Variants in SLC39A10 observed in about 807,000 individuals in gnomAD.
The protein encoded by SLC39A10 is solute carrier family 39 member 10.
Under a neutral mutation model 65.1 loss-of-function variants are expected in SLC39A10, and 13 were observed. The observed-to-expected ratio is 0.20, with a 90% CI of 0.13 to 0.32. SLC39A10 has a LOEUF of 0.32. Ranked by LOEUF, SLC39A10 falls within the 10% of genes least tolerant of loss-of-function variation. SLC39A10 has a pLI of 1.00. For missense variants in SLC39A10, 831 were observed against 1,018.4 expected (o/e 0.82, Z 2.50); for synonymous variants, 321 against 342.2 (o/e 0.94, Z 0.68).
intron 5 of SLC39A10, among the ~76,000 whole-genome samples, chr2:195,711,101 C>G (rs1388838141): frequency 6.6e-6 from 1 of 152,156 alleles, no homozygotes; most frequent in African/African-American, 2.4e-5. Flanking sequence ...AAGTTCATCA[C>G]TACAATAAAT....
At chr2:195,625,223 A>AAGG (rs1688444172) in intron 2 of SLC39A10, among the ~76,000 whole-genome samples, 1 of 60,384 alleles carries the variant, frequency 1.7e-5, no homozygotes, top group African/African-American at 7.7e-5. Flanking sequence ...TCTCAAAAAA[A>AAGG]AAGAAAGAAA....
At position 195,684,664 on chromosome 2, in the gene SLC39A10, C is replaced by G. The variant is rs544486984; in HGVS notation, c.1216+758C>G. Among the ~76,000 whole-genome samples, 28 of 151,888 alleles carry G rather than the reference C, an allele frequency of 1.8e-4. 1 individual carries two copies. The South Asian group carries it at 5.4e-3, about 29-fold the overall frequency. On this transcript the variant is annotated intron_variant, in intron 3 of 9. Transcript: ENST00000359634. ...CCCATTCTATAATCAGGTATGAAGTCCAGTTAAAGCTATCTCTTCAGTATC... is the reference window on the plus strand; with the variant it reads ...CCCATTCTATAATCAGGTATGAAGTGCAGTTAAAGCTATCTCTTCAGTATC...
intron 2 of SLC39A10, among the ~76,000 whole-genome samples, chr2:195,631,175 G>C (rs1398202225): frequency 1.3e-5 from 2 of 151,866 alleles, no homozygotes; most frequent in African/African-American, 4.8e-5. Context: ...GACAGAGTGA[G>C]ACTCTGTCTT....
chr2:195,686,211 A>T (rs1690517774), intron 3 of SLC39A10, among the ~76,000 whole-genome samples: 1 of 152,218 alleles, frequency 6.6e-6, no homozygotes, highest in Admixed American at 6.5e-5. Context: ...TAAGGTAGAC[A>T]TCCCATTCCA....
At chr2:195,654,198 C>T (rs1368853365), upstream of SLC39A10, among the ~76,000 whole-genome samples, 14 of 152,032 alleles carry the variant, frequency 9.2e-5, no homozygotes, top group Admixed American at 9.2e-4. Flanking sequence ...CTCAGCCTCC[C>T]GAAGTGCTGG....
intron 1 of SLC39A10, among the ~76,000 whole-genome samples, chr2:195,663,780 A>G (rs1232484687): frequency 6.7e-6 from 1 of 150,290 alleles, no homozygotes; most frequent in East Asian, 1.9e-4. Flanking sequence ...AGGATAGTCT[A>G]TAGTTTTTTT....
chr2:195,655,300 T>G (rs1436288653), upstream of SLC39A10, among the ~76,000 whole-genome samples: 1 of 152,194 alleles, frequency 6.6e-6, no homozygotes, highest in Non-Finnish European at 1.5e-5. Context: ...TTTGATTAGT[T>G]GGTTCAGCCG....
At chr2:195,713,935 T>C (rs1247011910) in intron 6 of SLC39A10, among the ~76,000 whole-genome samples, 2 of 152,086 alleles carry the variant, frequency 1.3e-5, no homozygotes, top group African/African-American at 4.8e-5. Flanking sequence ...CAAAGACTTT[T>C]TTTTTTTTTG....
intron 2 of SLC39A10, among the ~76,000 whole-genome samples, chr2:195,624,539 G>A (rs1218744627): frequency 2.6e-5 from 4 of 151,964 alleles, no homozygotes; most frequent in Non-Finnish European, 5.9e-5. Flanking sequence ...TACGGTGATT[G>A]TCCACTCAGA....
At chr2:195,731,489 T>C (rs970104557) in intron 9 of SLC39A10, among the ~76,000 whole-genome samples, 4 of 152,228 alleles carry the variant, frequency 2.6e-5, no homozygotes, top group African/African-American at 9.6e-5. Flanking sequence ...CACTAAGATG[T>C]CAGCTCTGGG....
chr2:195,633,384 A>C (rs911081886), intron 2 of SLC39A10, among the ~76,000 whole-genome samples: 2 of 152,250 alleles, frequency 1.3e-5, no homozygotes, highest in African/African-American at 4.8e-5. Flanking sequence ...GACCCGAGGC[A>C]GCGTCTAAGA....
intron 3 of SLC39A10, among the ~76,000 whole-genome samples, chr2:195,698,947 G>A (rs894156692): frequency 2.6e-5 from 4 of 151,742 alleles, no homozygotes; most frequent in African/African-American, 9.7e-5. Flanking sequence ...TGTTTTGTTG[G>A]AAGATTTTTG....
At chr2:195,723,735 A>G (rs574884147) in intron 8 of SLC39A10, among the ~76,000 whole-genome samples, 1 of 123,518 alleles carries the variant, frequency 8.1e-6, no homozygotes, top group South Asian at 2.6e-4. Context: ...TCAAGGAAAT[A>G]ACATTTTGAT....
intron 3 of SLC39A10, among the ~76,000 whole-genome samples, chr2:195,690,263 C>T (rs1234962015): frequency 6.9e-6 from 1 of 145,770 alleles, no homozygotes; most frequent in Non-Finnish European, 1.5e-5. Flanking sequence ...CCACATTTTG[C>T]TTATGCATTT....
chr2:195,626,518 T>C (rs538024262), intron 2 of SLC39A10, among the ~76,000 whole-genome samples: 21 of 152,246 alleles, frequency 1.4e-4, no homozygotes, highest in African/African-American at 5.1e-4. Flanking sequence ...AAATTTTAAT[T>C]AGACATATAA....
chr2:195,732,818 C>T (rs1381794883), intron 9 of SLC39A10, among the ~76,000 whole-genome samples: 1 of 152,154 alleles, frequency 6.6e-6, no homozygotes, highest in East Asian at 1.9e-4. Flanking sequence ...GTTCCTGGGA[C>T]AGCGCCTCTG....
chr2:195,617,469 G>A (rs1042626452), intron 2 of SLC39A10, among the ~76,000 whole-genome samples: 1 of 152,002 alleles, frequency 6.6e-6, no homozygotes, highest in Non-Finnish European at 1.5e-5. Flanking sequence ...GGCTGATGCA[G>A]AAGAATTGCT....
chr2:195,661,921 AAGGG>A (rs1405748547), intron 1 of SLC39A10, among the ~76,000 whole-genome samples: 1 of 152,168 alleles, frequency 6.6e-6, no homozygotes, highest in Non-Finnish European at 1.5e-5. Flanking sequence ...ATACTGCTGA[AAGGG>A]AGGTATCAGA....
At chr2:195,658,284 GGGCT>G (rs1689244895) in intron 1 of SLC39A10, 1 of 152,178 alleles carries the variant, frequency 6.6e-6, no homozygotes, top group Non-Finnish European at 1.5e-5. Flanking sequence ...CTGTCCACAT[GGGCT>G]GTACTAAGGA....
Sources: gnomAD v4.1 joint callset for allele counts (sites outside exome capture counted in the v4.1 genomes callset) on GRCh38, gnomAD v4.1.1 for gene constraint, MANE v1.5 for transcripts, NCBI Gene and HGNC (gene_info 2026-07-23, HGNC 2026-07-21) for gene names.